ATRNL1: variants seen among roughly 807,000 people sequenced by gnomAD.
ATRNL1 encodes the protein attractin like 1.
ATRNL1 carries 95 observed loss-of-function variants against 182.7 expected under a neutral mutation model. That is an observed-to-expected ratio of 0.52 (90% CI 0.44 to 0.62). The LOEUF is 0.62. Ranked by LOEUF, ATRNL1 falls within the 20% of genes least tolerant of loss-of-function variation. The pLI is 0.00. For synonymous variants in ATRNL1, 576 were observed against 568.3 expected, an observed-to-expected ratio of 1.01 and a Z score of -0.19; for missense variants, 1,471 against 1,679.5, an observed-to-expected ratio of 0.88 and a Z score of 2.17.
chr10:115,727,075 G>A (rs1253515031), intron 26 of ATRNL1, among the ~76,000 whole-genome samples, 173 bp from the exon 27 acceptor site: 1 of 152,094 alleles, frequency 6.6e-6, no homozygotes, highest in East Asian at 1.9e-4. Flanking sequence ...TGGACATACA[G>A]CCAAGGCCAC....
intron 25 of ATRNL1, among the ~76,000 whole-genome samples, chr10:115,521,869 A>G (rs1850953464): frequency 6.6e-6 from 1 of 152,242 alleles, no homozygotes; most frequent in Non-Finnish European, 1.5e-5. Flanking sequence ...TAAGTTTTAT[A>G]AAGCTACTGC....
chr10:115,351,779 T>TGTTTTGTTTTGTTTG (rs1564943003), intron 19 of ATRNL1, among the ~76,000 whole-genome samples: 2 of 57,808 alleles, frequency 3.5e-5, no homozygotes, highest in Admixed American at 1.5e-4. Context: ...GTTTGTGTTT[T>TGTTTTGTTTTGTTTG]TGTTTTTAAT....
intron 27 of ATRNL1, among the ~76,000 whole-genome samples, chr10:115,770,951 C>G (rs1044964915): frequency 1.3e-5 from 2 of 152,066 alleles, no homozygotes; most frequent in African/African-American, 4.8e-5. Context: ...AAGTATATAT[C>G]TACTCAAAAT....
intron 24 of ATRNL1, among the ~76,000 whole-genome samples, chr10:115,495,857 T>C (rs1383379873): frequency 5.9e-5 from 9 of 152,122 alleles, no homozygotes; most frequent in African/African-American, 2.2e-4. Flanking sequence ...AATGTCGAGT[T>C]CAGGTTCGGA....
chr10:115,159,897 A>G (rs1475946623), intron 5 of ATRNL1, 143 bp from the exon 6 acceptor site: 1 of 597,842 alleles, frequency 1.7e-6, no homozygotes, highest in Admixed American at 3.9e-5. Context: ...TTATTCTTGT[A>G]AGTTATATTT....
intron 26 of ATRNL1, among the ~76,000 whole-genome samples, chr10:115,630,160 C>A (rs890763740): frequency 1.3e-5 from 2 of 151,812 alleles, no homozygotes; most frequent in African/African-American, 4.8e-5. Context: ...GGTTTCAATT[C>A]TCATACAACT....
chr10:115,537,191 G>A (rs995675632), intron 25 of ATRNL1, among the ~76,000 whole-genome samples: 16 of 152,114 alleles, frequency 1.1e-4, no homozygotes, highest in Admixed American at 4.6e-4. Context: ...GTGATGGTAC[G>A]TTTTCTTGCA....
chr10:115,378,931 G>T (rs1265624499), intron 19 of ATRNL1, among the ~76,000 whole-genome samples: 1 of 152,128 alleles, frequency 6.6e-6, no homozygotes, highest in Non-Finnish European at 1.5e-5. Flanking sequence ...GATGATGCAA[G>T]CAAGGAAATA....
chr10:115,119,954 T>C (rs1185992897), intron 1 of ATRNL1, among the ~76,000 whole-genome samples: 1 of 152,140 alleles, frequency 6.6e-6, no homozygotes, highest in Non-Finnish European at 1.5e-5. Flanking sequence ...CTTCGTAAAT[T>C]GAAATGGTCA....
intron 5 of ATRNL1, among the ~76,000 whole-genome samples, chr10:115,158,275 A>G (rs1846616612): frequency 6.6e-6 from 1 of 152,066 alleles, no homozygotes; most frequent in South Asian, 2.1e-4. Flanking sequence ...GAGGTTGGCA[A>G]ACTTTTCTGT....
intron 19 of ATRNL1, among the ~76,000 whole-genome samples, chr10:115,381,725 T>A (rs1858023523): frequency 6.6e-6 from 1 of 152,112 alleles, no homozygotes; most frequent in Non-Finnish European, 1.5e-5. Context: ...TCCAGTCCAA[T>A]TTATATTTTT....
In ATRNL1 at chr10:115,377,002, T is replaced by A. The variant is rs958992360; in HGVS notation, c.3176-17657T>A. Among the ~76,000 whole-genome samples, 9 of 152,286 alleles carry A rather than the reference T, an allele frequency of 5.9e-5. No individual in the cohort carries two copies. The South Asian group carries it at 1.7e-3, about 28-fold the overall frequency. On this transcript the variant is annotated intron_variant, in intron 19 of 28. Coordinates refer to ENST00000355044, the MANE Select transcript of ATRNL1 (RefSeq NM_207303.4). ...GTATGATTGAGTCTGCTGTTTAAAC[T>A]CTCTATTGTGATTTTCATTTCTGTC... is the stretch of plus-strand genomic sequence containing the variant.
At chr10:115,674,167 T>C (rs1945788981) in intron 26 of ATRNL1, among the ~76,000 whole-genome samples, 1 of 152,004 alleles carries the variant, frequency 6.6e-6, no homozygotes, top group Non-Finnish European at 1.5e-5. Context: ...CACACTCACA[T>C]TTTTTTAGGC....
At chr10:115,928,201 G>GAAACC in intron 28 of ATRNL1, among the ~76,000 whole-genome samples, 1 of 152,166 alleles carries the variant, frequency 6.6e-6, no homozygotes, top group Admixed American at 6.6e-5. Flanking sequence ...AAAGAGTAAA[G>GAAACC]AAAACTGAGT....
At chr10:115,420,857 A>G (rs1845618690) in intron 20 of ATRNL1, among the ~76,000 whole-genome samples, 1 of 152,164 alleles carries the variant, frequency 6.6e-6, no homozygotes, top group African/African-American at 2.4e-5. Flanking sequence ...CAAAGATGAA[A>G]AAGGAGACAT....
At chr10:115,378,153 G>A (rs1345679754) in intron 19 of ATRNL1, among the ~76,000 whole-genome samples, 5 of 152,162 alleles carry the variant, frequency 3.3e-5, no homozygotes, top group African/African-American at 7.2e-5. Context: ...GATATCATAC[G>A]TGTGTGTTTA....
chr10:115,873,016 CT>C (rs1160304830), intron 28 of ATRNL1, among the ~76,000 whole-genome samples: 1 of 152,174 alleles, frequency 6.6e-6, no homozygotes, highest in African/African-American at 2.4e-5. Flanking sequence ...TTTCAGTTTC[CT>C]TTCTTTGTTT....
intron 25 of ATRNL1, among the ~76,000 whole-genome samples, chr10:115,549,221 G>A (rs1012356641): frequency 1.3e-5 from 2 of 152,060 alleles, no homozygotes; most frequent in South Asian, 4.2e-4. Context: ...CCTTCTGACA[G>A]AGAAAATTCT....
At chr10:115,742,781 T>A (rs1948174966) in intron 27 of ATRNL1, among the ~76,000 whole-genome samples, 1 of 152,284 alleles carries the variant, frequency 6.6e-6, no homozygotes, top group East Asian at 1.9e-4. Context: ...GCTACTAAAG[T>A]AATCTTTCTA....
Sources: allele counts gnomAD v4.1 joint callset (sites outside exome capture counted in the v4.1 genomes callset), GRCh38; gene constraint gnomAD v4.1.1; transcripts MANE v1.5; gene names NCBI Gene and HGNC (gene_info 2026-07-23, HGNC 2026-07-21).